Variants in SHANK2 observed in about 807,000 individuals in gnomAD.
SHANK2 encodes the protein SH3 and multiple ankyrin repeat domains 2.
Under a neutral mutation model 133.7 loss-of-function variants are expected in SHANK2, and 43 were observed. That is an observed-to-expected ratio of 0.32 (90% CI 0.25 to 0.41). The LOEUF (loss-of-function observed/expected upper bound fraction) is 0.41, where lower values mean the gene tolerates loss of function less well. Ranked by LOEUF, SHANK2 falls within the 10% of genes least tolerant of loss-of-function variation. The probability of loss-of-function intolerance (pLI) is 1.00; values close to 1 mark genes in which losing one functional copy is unlikely to be tolerated. For missense variants in SHANK2, 1,994 were observed against 2,235.8 expected (o/e 0.89, Z 2.18); for synonymous variants, 1,017 against 952.8 (o/e 1.07, Z -1.24).
chr11:71,066,138 G>C, intron 9 of SHANK2, among the ~76,000 whole-genome samples: 1 of 135,752 alleles, frequency 7.4e-6, no homozygotes, highest in Non-Finnish European at 1.6e-5. Context: ...CAGTGAGTGG[G>C]GAAGTTGGGT....
chr11:70,525,955 A>C (rs1297564679), intron 17 of SHANK2, among the ~76,000 whole-genome samples: 4 of 151,828 alleles, frequency 2.6e-5, no homozygotes, highest in Non-Finnish European at 5.9e-5. Context: ...CTCAGCCAGC[A>C]GGCCTCTCTC....
chr11:70,666,861 T>C (rs1944687398), intron 15 of SHANK2, among the ~76,000 whole-genome samples: 1 of 152,162 alleles, frequency 6.6e-6, no homozygotes, highest in Non-Finnish European at 1.5e-5. Flanking sequence ...CCGTGCTTAT[T>C]GATTGAACAA....
At chr11:70,592,549 G>A (rs979476140) in intron 17 of SHANK2, among the ~76,000 whole-genome samples, 2 of 152,038 alleles carry the variant, frequency 1.3e-5, no homozygotes, top group Admixed American at 6.5e-5. Context: ...GCGGCATCTC[G>A]GTGGCCCCCC....
At chr11:70,651,132 C>T (rs1021588705) in intron 17 of SHANK2, among the ~76,000 whole-genome samples, 2 of 152,188 alleles carry the variant, frequency 1.3e-5, no homozygotes, top group African/African-American at 2.4e-5. Flanking sequence ...TGCCCTTGAC[C>T]GCGGCTCCTC....
intron 9 of SHANK2, among the ~76,000 whole-genome samples, chr11:71,058,986 G>A (rs1950955199): frequency 6.6e-6 from 1 of 152,202 alleles, no homozygotes; most frequent in Non-Finnish European, 1.5e-5. Context: ...AGGCTGAGAT[G>A]GGCGGATCAC....
At chr11:70,767,997 G>A (rs1471370451) in intron 14 of SHANK2, among the ~76,000 whole-genome samples, 2 of 151,986 alleles carry the variant, frequency 1.3e-5, no homozygotes, top group Non-Finnish European at 1.5e-5. Context: ...GCAGAAAGGC[G>A]GGGCAGGGTG....
At chr11:71,169,734 G>C (rs933915481) in intron 2 of SHANK2, among the ~76,000 whole-genome samples, 5 of 104,350 alleles carry the variant, frequency 4.8e-5, no homozygotes, top group African/African-American at 7.4e-5. Flanking sequence ...CACCCTGGGT[G>C]AAAGAATAAG....
intron 14 of SHANK2, among the ~76,000 whole-genome samples, chr11:70,764,027 A>AAACT (rs112700803): frequency 0.44 from 66,000 of 151,290 alleles, 14,971 homozygotes; most frequent in South Asian, 0.62. Context: ...TCCATTGCTC[A>AAACT]AACTATCTGA....
chr11:70,766,627 A>G (rs1947129540), intron 14 of SHANK2, among the ~76,000 whole-genome samples: 1 of 152,232 alleles, frequency 6.6e-6, no homozygotes, highest in African/African-American at 2.4e-5. Context: ...TAATCAAACA[A>G]TAGAGCAGTG....
intron 14 of SHANK2, among the ~76,000 whole-genome samples, chr11:70,735,734 G>T (rs913564560): frequency 5.0e-4 from 76 of 151,186 alleles, no homozygotes; most frequent in African/African-American, 1.8e-3. Context: ...GCAGAGGGAG[G>T]GAAGTGGGAG....
intron 17 of SHANK2, among the ~76,000 whole-genome samples, chr11:70,620,421 G>C (rs937952261): frequency 6.6e-6 from 1 of 152,174 alleles, no homozygotes; most frequent in Non-Finnish European, 1.5e-5. Context: ...TAATTAAGCA[G>C]AACAGGTAAT....
chr11:71,204,213 T>A (rs1555117622), intron 2 of SHANK2, among the ~76,000 whole-genome samples: 1 of 149,846 alleles, frequency 6.7e-6, no homozygotes, highest in African/African-American at 2.5e-5. Flanking sequence ...GTTACTTTTA[T>A]AAAAGTCAAA....
intron 14 of SHANK2, among the ~76,000 whole-genome samples, chr11:70,737,461 A>G (rs117722232): frequency 5.4e-4 from 82 of 152,232 alleles, no homozygotes; most frequent in Non-Finnish European, 1.1e-3. Context: ...CTGTCCAGAA[A>G]CACGTGCCAG....
intron 11 of SHANK2, among the ~76,000 whole-genome samples, chr11:70,876,441 T>C (rs1307348697): frequency 6.6e-6 from 1 of 150,542 alleles, no homozygotes; most frequent in Non-Finnish European, 1.5e-5. Context: ...GCACCTATAG[T>C]CCCAGCTACT....
chr11:70,605,031 G>A (rs542974398), intron 17 of SHANK2, among the ~76,000 whole-genome samples: 14 of 152,336 alleles, frequency 9.2e-5, no homozygotes, highest in African/African-American at 3.1e-4. Context: ...GACCAGATGG[G>A]CCTTGGTCAG....
chr11:70,568,646 G>GCCCCCCCCCCCCCCCCCCCCC (rs66982078), intron 17 of SHANK2, among the ~76,000 whole-genome samples: 3 of 79,964 alleles, frequency 3.8e-5, no homozygotes, highest in East Asian at 6.4e-4. Context: ...GCGGATTCCT[G>GCCCCCCCCCCCCCCCCCCCCC]CCCCCCCCGC....
chr11:70,586,825 C>T (rs1246906772), intron 17 of SHANK2, among the ~76,000 whole-genome samples: 1 of 152,208 alleles, frequency 6.6e-6, no homozygotes, highest in African/African-American at 2.4e-5. Flanking sequence ...GTACCTCACC[C>T]CCCCAGAGTG....
chr11:70,868,994 G>C (rs142695728), intron 11 of SHANK2, among the ~76,000 whole-genome samples: 2 of 152,314 alleles, frequency 1.3e-5, no homozygotes, highest in East Asian at 3.9e-4. Flanking sequence ...ACTGTATAGG[G>C]AGATGGGCTT....
chr11:71,108,102 G>T (rs1185816630), intron 6 of SHANK2, among the ~76,000 whole-genome samples: 3 of 152,200 alleles, frequency 2.0e-5, no homozygotes, highest in Admixed American at 2.0e-4. Flanking sequence ...CAGAATGAAG[G>T]CTGCCCCTGG....
Sources: allele counts gnomAD v4.1 joint callset (sites outside exome capture counted in the v4.1 genomes callset), GRCh38; gene constraint gnomAD v4.1.1; transcripts MANE v1.5; gene names NCBI Gene and HGNC (gene_info 2026-07-23, HGNC 2026-07-21).